Variants in DAPL1 observed in about 807,000 individuals in gnomAD.
The protein encoded by DAPL1 is death associated protein like 1.
A neutral mutation model predicts 12.9 loss-of-function variants in DAPL1; 17 were observed. The ratio of observed to expected loss-of-function variants is 1.32; its 90% CI spans 0.90 to 1.98. The LOEUF (loss-of-function observed/expected upper bound fraction) is 1.98. Ranked by LOEUF, DAPL1 falls within the 30% of genes most tolerant of loss-of-function variation. The pLI, the probability that DAPL1 is intolerant of heterozygous loss-of-function variation, is 0.00. For synonymous variants in DAPL1, 51 were observed against 42.0 expected (o/e 1.21, Z -0.82); for missense variants, 157 against 125.7 (o/e 1.25, Z -1.19).
At chr2:158,799,057 T>A (rs1402425366) in intron 1 of DAPL1, among the ~76,000 whole-genome samples, 1 of 152,192 alleles carries the variant, frequency 6.6e-6, no homozygotes, top group Non-Finnish European at 1.5e-5. Flanking sequence ...CTGATGTATT[T>A]TTAAAAATTT....
intron 1 of DAPL1, 46 bp downstream of exon 1, chr2:158,795,476 C>G (rs371358398): frequency 1.2e-5 from 19 of 1,535,730 alleles, no homozygotes; most frequent in Non-Finnish European, 1.6e-5. Flanking sequence ...TGCTGCTCCC[C>G]TCTTCCACCA....
At position 158,806,994 on chromosome 2, in the gene DAPL1, G is replaced by A. The variant is rs2059205892; in HGVS notation, c.147-61G>A. On this transcript the variant is annotated intron_variant, in intron 2 of 3. Coordinates refer to ENST00000309950, the MANE Select transcript of DAPL1 (RefSeq NM_001017920.3). The stretch of plus-strand genomic sequence containing the variant: ...GGAGAGACAGCCCTCTATAAATCAT[G>A]TGGCCTTTTCAGTGGGAAAATTTTT... 6 of 1,225,420 alleles carry A rather than the reference G, an allele frequency of 4.9e-6. No individual in the cohort carries two copies. In the South Asian group the frequency reaches 7.4e-5, roughly 15 times the overall value. 75.9% of individuals were successfully genotyped at this position (1,225,420 alleles called of 1,614,324 possible). A position where few individuals can be genotyped will look rare whatever the true frequency, so the allele number is the denominator to read the frequency against.
intron 3 of DAPL1, among the ~76,000 whole-genome samples, chr2:158,813,840 C>T (rs1312146364): frequency 1.3e-5 from 2 of 152,140 alleles, no homozygotes; most frequent in African/African-American, 2.4e-5. Flanking sequence ...CAGGTGTGGG[C>T]CACCGAGCCC....
At chr2:158,803,330 G>A (rs2059179606) in intron 1 of DAPL1, among the ~76,000 whole-genome samples, 1 of 152,210 alleles carries the variant, frequency 6.6e-6, no homozygotes, top group African/African-American at 2.4e-5. Context: ...AAAGAACAAT[G>A]ATGAAGTCAG....
chr2:158,797,212 C>A (rs2105146738), intron 1 of DAPL1, among the ~76,000 whole-genome samples: 1 of 152,286 alleles, frequency 6.6e-6, no homozygotes, highest in Non-Finnish European at 1.5e-5. Flanking sequence ...CATTTCACAT[C>A]TTCGAGCCTG....
chr2:158,804,298 G>A lies in DAPL1; in HGVS notation c.75G>A (p.Met25Ile). ...TGTTTGTAGTAAAAGCTGGAGGAATGAGAATTTCCAAAAAACAAGAAATTG... is the reference window on the plus strand; with the variant it reads ...TGTTTGTAGTAAAAGCTGGAGGAATAAGAATTTCCAAAAAACAAGAAATTG... ...GHPPAVKAGGMRISKKQEIGT... is the reference protein window; with the variant it reads ...GHPPAVKAGGIRISKKQEIGT... The change falls in exon 2 of 4, where the codon ATG becomes ATA. Residue 25 changes from methionine (M) to isoleucine (I), a missense_variant. Coordinates refer to ENST00000309950, the MANE Select transcript of DAPL1 (RefSeq NM_001017920.3). 1 of 1,609,840 alleles carries A rather than the reference G, an allele frequency of 6.2e-7. No individual in the cohort carries two copies. Among genetic ancestry groups the A allele is most frequent in the Non-Finnish European group, 8.5e-7 (1 of 1,177,620 alleles).
chr2:158,805,636 G>A lies in DAPL1; in HGVS notation c.146+1267G>A, dbSNP rs2059196895. ...GTCTTATCTTGGAAATGACTTACTA[G>A]TGGACAGCCAAAGGACAGGTCATTC... is the stretch of plus-strand genomic sequence containing the variant. On this transcript the variant is annotated intron_variant, in intron 2 of 3. Coordinates refer to ENST00000309950, the MANE Select transcript of DAPL1 (RefSeq NM_001017920.3). Among the ~76,000 whole-genome samples, 4 of 148,466 alleles carry A rather than the reference G, an allele frequency of 2.7e-5. 1 individual carries two copies. The highest frequency in any genetic ancestry group is 4.5e-5 in the Non-Finnish European group (3 of 66,332).
At chr2:158,812,545 G>A (rs1218916941) in intron 3 of DAPL1, among the ~76,000 whole-genome samples, 1 of 152,160 alleles carries the variant, frequency 6.6e-6, no homozygotes, top group Non-Finnish European at 1.5e-5. Context: ...TAGAATCCTA[G>A]CACTTTGGGA....
chr2:158,805,960 G>T (rs1386931413), intron 2 of DAPL1, among the ~76,000 whole-genome samples: 1 of 148,050 alleles, frequency 6.8e-6, no homozygotes, highest in African/African-American at 2.5e-5. Context: ...TATGAAATGG[G>T]TAGGGCCCCT....
At chr2:158,797,784 C>T (rs1427366548) in intron 1 of DAPL1, among the ~76,000 whole-genome samples, 3 of 144,758 alleles carry the variant, frequency 2.1e-5, no homozygotes, top group Admixed American at 1.4e-4. Flanking sequence ...AGAGTGAGAC[C>T]CCGTCTGAAA....
intron 1 of DAPL1, among the ~76,000 whole-genome samples, chr2:158,799,811 C>G (rs1427342537): frequency 6.6e-6 from 1 of 152,138 alleles, no homozygotes; most frequent in Non-Finnish European, 1.5e-5. Context: ...GATTTAAAGA[C>G]TGCTGGATGG....
chr2:158,808,116 T>C (rs1053188493), intron 3 of DAPL1, among the ~76,000 whole-genome samples: 1 of 152,210 alleles, frequency 6.6e-6, no homozygotes, highest in African/African-American at 2.4e-5. Flanking sequence ...CAAGGTAATA[T>C]AGAGCCACTC....
intron 3 of DAPL1, among the ~76,000 whole-genome samples, chr2:158,813,480 CA>C (rs938541624): frequency 1.3e-4 from 19 of 151,754 alleles, no homozygotes; most frequent in African/African-American, 4.4e-4. Flanking sequence ...TGGAGGTGAT[CA>C]AATAACAAAT....
At position 158,815,947 on chromosome 2, in the gene DAPL1, C is replaced by A; in HGVS notation, c.*126C>A. 2.9e-6 allele frequency: 2 copies of A among 686,216 alleles called. No individual in the cohort carries two copies. The highest frequency in any genetic ancestry group is 5.2e-6 in the Non-Finnish European group (2 of 384,790). 42.5% of individuals were successfully genotyped at this position (686,216 alleles called of 1,614,324 possible). A position where few individuals can be genotyped will look rare whatever the true frequency, so the allele number is the denominator to read the frequency against. On this transcript the variant is annotated 3_prime_UTR_variant, in exon 4 of 4. Transcript: ENST00000309950. ...TAAATTAAGCAGCTTTTGTATCTTC[C>A]CCTTTGACTTTAGGTAATAAAGCAT...
intron 3 of DAPL1, among the ~76,000 whole-genome samples, chr2:158,814,842 G>T (rs1299206146): frequency 6.6e-6 from 1 of 152,156 alleles, no homozygotes; most frequent in Non-Finnish European, 1.5e-5. Context: ...TGCTGGCCAA[G>T]GGAGGTTTCT....
At chr2:158,795,925 C>T (rs2059132184) in intron 1 of DAPL1, among the ~76,000 whole-genome samples, 1 of 152,204 alleles carries the variant, frequency 6.6e-6, no homozygotes, top group Non-Finnish European at 1.5e-5. Context: ...TTCTTTCTCC[C>T]TCCTCAGGCT....
At chr2:158,809,195 T>C (rs1256251405) in intron 3 of DAPL1, among the ~76,000 whole-genome samples, 1 of 151,576 alleles carries the variant, frequency 6.6e-6, no homozygotes, top group Non-Finnish European at 1.5e-5. Flanking sequence ...CCATCTCTAC[T>C]GAAAATACAA....
chr2:158,814,338 G>C (rs1325617190), intron 3 of DAPL1, among the ~76,000 whole-genome samples: 1 of 151,926 alleles, frequency 6.6e-6, no homozygotes, highest in Non-Finnish European at 1.5e-5. Flanking sequence ...CAACATTTAT[G>C]ATCAATATCT....
intron 1 of DAPL1, among the ~76,000 whole-genome samples, chr2:158,801,084 C>T (rs2059164831): frequency 6.6e-6 from 1 of 152,156 alleles, no homozygotes; most frequent in African/African-American, 2.4e-5. Context: ...CTCAGGTGAT[C>T]CACCTGCCTC....
Sources: allele counts gnomAD v4.1 joint callset (sites outside exome capture counted in the v4.1 genomes callset), GRCh38; gene constraint gnomAD v4.1.1; transcripts MANE v1.5; gene names NCBI Gene and HGNC (gene_info 2026-07-23, HGNC 2026-07-21).